Variants in BAG6 observed in about 807,000 individuals in gnomAD.
BAG6 encodes large proline-rich protein BAG6.
Under a neutral mutation model 121.0 loss-of-function variants are expected in BAG6, and 22 were observed. That is an observed-to-expected ratio of 0.18 (90% CI 0.13 to 0.26). BAG6 has a LOEUF of 0.26. Among genes scored for constraint, BAG6 ranks in the 10% least tolerant of loss-of-function variants. The pLI is 1.00. For synonymous variants in BAG6, 583 were observed against 584.6 expected (o/e 1.00, Z 0.04); for missense variants, 1,233 against 1,537.7 (o/e 0.80, Z 3.31).
intron 7 of BAG6, among the ~76,000 whole-genome samples, chr6:31,647,331 C>T (rs955946474): frequency 2.6e-5 from 4 of 152,184 alleles, no homozygotes; most frequent in African/African-American, 9.7e-5. Flanking sequence ...AGCAGGCCTT[C>T]GTGAACTCAG....
intron 5 of BAG6, 43 bp downstream of exon 5, chr6:31,648,868 T>C: frequency 2.6e-6 from 4 of 1,565,578 alleles, no homozygotes; most frequent in South Asian, 1.2e-5. Context: ...CCAGCCTCCT[T>C]CTCCCAGATC....
At chr6:31,643,832 C>T in intron 14 of BAG6, 58 bp downstream of exon 14, 2 of 1,549,478 alleles carry the variant, frequency 1.3e-6, no homozygotes, top group Non-Finnish European at 1.8e-6. Context: ...CTGGAAAGTG[C>T]CAGTGAGCAG....
chr6:31,646,946 T>C (rs948575885), intron 7 of BAG6, among the ~76,000 whole-genome samples: 2 of 152,000 alleles, frequency 1.3e-5, no homozygotes, highest in African/African-American at 4.8e-5. Flanking sequence ...GCTAATTTTT[T>C]GTATTTTTAG....
intron 7 of BAG6, among the ~76,000 whole-genome samples, chr6:31,646,766 GTTTTTTTTT>G (rs66820473): frequency 1.6e-5 from 1 of 60,638 alleles, no homozygotes; most frequent in Non-Finnish European, 2.9e-5. Context: ...GCTAATTTTT[GTTTTTTTTT>G]TTTTTTTTTT....
At position 31,644,768 on chromosome 6, in the gene BAG6, C is replaced by T; in HGVS notation, c.1370-166G>A. On this transcript the variant is annotated intron_variant, in intron 10 of 25. Transcript: ENST00000676615. The surrounding 1 kb of genome is among the most constrained non-coding windows in gnomAD (Gnocchi z 4.9). ...TACTCCCTTCACCACACAAACACAC[C>T]TCCAAAGACAAACCAACCCCCACAC... The T allele has an allele frequency of 1.6e-6, 2 of 1,271,776 alleles. No individual in the cohort carries two copies. The highest frequency in any genetic ancestry group is 2.2e-6 in the Non-Finnish European group (2 of 893,200). 78.8% of individuals were successfully genotyped at this position (1,271,776 alleles called of 1,614,324 possible).
At chr6:31,642,629 A>C (rs1784066303) in intron 15 of BAG6, 200 bp downstream of exon 15, 2 of 713,732 alleles carry the variant, frequency 2.8e-6, no homozygotes, top group South Asian at 1.9e-5. Context: ...AGTGACACTA[A>C]TTACTATACT....
At position 31,640,949 on chromosome 6, in the gene BAG6, G is replaced by C. The variant is rs1198745731; in HGVS notation, c.2788-11C>G. On this transcript the variant is annotated splice_polypyrimidine_tract_variant and intron_variant, in intron 20 of 25. Coordinates refer to ENST00000676615, the MANE Select transcript of BAG6 (RefSeq NM_001387994.1). The surrounding 1 kb of genome is among the most constrained non-coding windows in gnomAD (Gnocchi z 4.2). Reference sequence around the variant, plus strand: ...ACGAGACATACGACGCTGAGGGACAGAAAGCAGATTTAGAACACAAAACCC... The same window carrying C: ...ACGAGACATACGACGCTGAGGGACACAAAGCAGATTTAGAACACAAAACCC... 6.2e-7 allele frequency: 1 copy of C among 1,610,918 alleles called. No individual in the cohort carries two copies. The highest frequency in any genetic ancestry group is 8.5e-7 in the Non-Finnish European group (1 of 1,178,740).
chr6:31,639,500 C>T lies in BAG6; in HGVS notation c.3393G>A (p.Gln1131=). The change falls in exon 25 of 26, where the codon CAG becomes CAA. Residue 1131 remains glutamine (Q), a splice_region_variant and synonymous_variant. Coordinates refer to ENST00000676615, the MANE Select transcript of BAG6 (RefSeq NM_001387994.1). ...APEVQESYRQ[Q]LRSDIQKRLQ... Reference sequence around the variant, plus strand: ...TCCCTATTCTGCTTCAAGGTGGCACCTGCTGCCTGTAGCTCTCCTGAACCT... The same window carrying T: ...TCCCTATTCTGCTTCAAGGTGGCACTTGCTGCCTGTAGCTCTCCTGAACCT... 1 of 1,612,904 alleles carries T rather than the reference C, an allele frequency of 6.2e-7. No homozygotes were observed. Among genetic ancestry groups the T allele is most frequent in the Non-Finnish European group, 8.5e-7 (1 of 1,179,142 alleles).
chr6:31,639,612 G>A lies in BAG6; in HGVS notation c.3281C>T (p.Ser1094Leu). ...CTTAGCTGCCCGGCTCACAGCCTCTGAGAGAAGCAGCTGGGGGCCCTCACC... is the reference window on the plus strand; with the variant it reads ...CTTAGCTGCCCGGCTCACAGCCTCTAAGAGAAGCAGCTGGGGGCCCTCACC... ...MQGEGPQLLL[S>L]EAVSRAAKAA... The change falls in exon 25 of 26, where the codon TCA (serine) becomes TTA (leucine). Residue 1094 changes from serine (S) to leucine (L), a missense_variant. Around this residue, in one of 7 missense-constraint regions of BAG6, gnomAD observed 102 missense variants for 103.2 expected, o/e 0.99. Coordinates refer to ENST00000676615, the MANE Select transcript of BAG6 (RefSeq NM_001387994.1). The A allele has an allele frequency of 6.2e-7, 1 of 1,613,610 alleles. No individual in the cohort carries two copies.
rs532488148 is a variant in BAG6, at chr6:31,639,545, G to C, written c.3348C>G (p.Ser1116Arg). 1.1e-5 allele frequency: 18 copies of C among 1,614,180 alleles called. 1 individual carries two copies. The highest frequency in any genetic ancestry group is 4.5e-5 in the East Asian group (2 of 44,886). The change falls in exon 25 of 26, where the codon AGC becomes AGG. Residue 1116 changes from serine to arginine, a missense_variant. By Grantham distance (110) the Ser-to-Arg change is moderately radical. Coordinates refer to ENST00000676615, the MANE Select transcript of BAG6 (RefSeq NM_001387994.1). ...GAACCTCTGGTGCCTCCAGGTCCCG[G>C]CTCAGGCTCTCGGGGCTCGTCAGGG... ...ARPLTSPESL[S>R]RDLEAPEVQE... is the part of the protein sequence containing the mutation.
At position 31,639,200 on chromosome 6, in the gene BAG6, C is replaced by A; in HGVS notation, c.3420G>T (p.Leu1140=). ...GGGGACTGTAGTTGGGGTCTTCCTG[C>A]AGTCGTTTTTGTATATCAGACCGGA... ...QQLRSDIQKR[L]QEDPNYSPQR... is the part of the protein sequence containing the mutation. Residue 1140 remains leucine, a synonymous_variant, in exon 26 of 26, where the codon CTG becomes CTT. Transcript: ENST00000676615. 2 of 1,613,842 alleles carry A rather than the reference C, an allele frequency of 1.2e-6. No individual in the cohort carries two copies.
At position 31,644,156 on chromosome 6, in the gene BAG6, C is replaced by T. The variant is rs1424873397; in HGVS notation, c.1594G>A (p.Val532Met). The T allele has an allele frequency of 6.2e-7, 1 of 1,614,024 alleles. No individual in the cohort carries two copies. Among genetic ancestry groups the T allele is most frequent in the Admixed American group, 1.7e-5 (1 of 60,028 alleles). Residue 532 changes from valine (V) to methionine (M), a missense_variant, in exon 13 of 26, where the codon GTG (valine) becomes ATG (methionine). Around this residue, in one of 7 missense-constraint regions of BAG6, gnomAD observed 777 missense variants for 861.4 expected, o/e 0.90. Transcript: ENST00000676615. This position sits in a 1 kb window ranked among gnomAD's most constrained non-coding sequence, Gnocchi z 4.9. ...GGAGGAGTGGGCCGGGCAATCACCACCCGGGTTGGAGCTGTTGGGAAGCCT... is the reference window on the plus strand; with the variant it reads ...GGAGGAGTGGGCCGGGCAATCACCATCCGGGTTGGAGCTGTTGGGAAGCCT... ...VPGFPTAPTRVVIARPTPPQA... is the reference protein window; with the variant it reads ...VPGFPTAPTRMVIARPTPPQA...
At chr6:31,639,324 C>CT (rs1031896681) in intron 25 of BAG6, 98 bp from the exon 26 acceptor site, 10 of 1,453,828 alleles carry the variant, frequency 6.9e-6, no homozygotes, top group Middle Eastern at 2.1e-4. Context: ...ACATTTCCCC[C>CT]CCCAAGCACA....
rs540560796 is a variant in BAG6 at position 31,649,640 on chromosome 6, G to A, written c.109-13C>T. 3 of 1,602,186 alleles carry A rather than the reference G, an allele frequency of 1.9e-6. No individual in the cohort carries two copies. Among genetic ancestry groups the A allele is most frequent in the East Asian group, 2.2e-5 (1 of 44,822 alleles). ...CTTTTACATTCATCTGAAAAGAAGA[G>A]GCATGCACAGGAATGGAAAGAATGG... is the stretch of plus-strand genomic sequence containing the variant. On this transcript the variant is annotated splice_polypyrimidine_tract_variant and intron_variant, in intron 2 of 25. Coordinates refer to ENST00000676615, the MANE Select transcript of BAG6 (RefSeq NM_001387994.1).
intron 7 of BAG6, among the ~76,000 whole-genome samples, chr6:31,646,765 T>TG (rs1491088715): frequency 5.5e-5 from 7 of 127,266 alleles, no homozygotes; most frequent in Admixed American, 2.7e-4. Flanking sequence ...GGCTAATTTT[T>TG]GTTTTTTTTT....
rs757159963 is a variant in BAG6, at chr6:31,646,504, A to G, written c.808T>C (p.Tyr270His). The G allele has an allele frequency of 6.2e-7, 1 of 1,612,496 alleles. No individual in the cohort carries two copies. The highest frequency in any genetic ancestry group is 8.5e-7 in the Non-Finnish European group (1 of 1,179,914). Residue 270 changes from tyrosine to histidine, a missense_variant, in exon 8 of 26, where the codon TAT becomes CAT. Tyr to His is a moderately conservative substitution (Grantham distance 83). Around this residue, in one of 7 missense-constraint regions of BAG6, gnomAD observed 777 missense variants for 861.4 expected, o/e 0.90. Coordinates refer to ENST00000676615, the MANE Select transcript of BAG6 (RefSeq NM_001387994.1). ...TGTAGCTCCTGGAGCACCTCGACATACTCCGCAGGGGAAGGATGGCTGTGG... is the reference window on the plus strand; with the variant it reads ...TGTAGCTCCTGGAGCACCTCGACATGCTCCGCAGGGGAAGGATGGCTGTGG... ...NAPNHPSPAE[Y>H]VEVLQELQRL...
At position 31,644,446 on chromosome 6, in the gene BAG6, T is replaced by C; in HGVS notation, c.1448-32A>G. 1 of 1,553,948 alleles carries C rather than the reference T, an allele frequency of 6.4e-7. No homozygotes were observed. Among genetic ancestry groups the C allele is most frequent in the Non-Finnish European group, 8.7e-7 (1 of 1,147,622 alleles). ...GGCGGGTCTGATGTAACCTTGAACC[T>C]GGACCCCTTCAACCCACCCACTCAG... is the stretch of plus-strand genomic sequence containing the variant. On this transcript the variant is annotated intron_variant, in intron 11 of 25. Coordinates refer to ENST00000676615, the MANE Select transcript of BAG6 (RefSeq NM_001387994.1). The surrounding 1 kb of genome is among the most constrained non-coding windows in gnomAD (Gnocchi z 4.9).
chr6:31,640,621 T>G lies in BAG6; in HGVS notation c.2994+24A>C, dbSNP rs1238814207. The G allele has an allele frequency of 6.2e-7, 1 of 1,612,838 alleles. No homozygotes were observed. The highest frequency in any genetic ancestry group is 1.1e-5 in the South Asian group (1 of 91,082). On this transcript the variant is annotated intron_variant, in intron 22 of 25. Transcript: ENST00000676615. The surrounding 1 kb of genome is among the most constrained non-coding windows in gnomAD (Gnocchi z 4.2). ...CCTCCACTCCACATTATCTGGCCCC[T>G]CAACCTCCCCCTCTCTAGAGTACCT... is the stretch of plus-strand genomic sequence containing the variant.
chr6:31,647,854 A>G, intron 6 of BAG6, 28 bp from the exon 7 acceptor site: 1 of 1,516,722 alleles, frequency 6.6e-7, no homozygotes, highest in Non-Finnish European at 8.8e-7. Context: ...TCAGGATACC[A>G]AAGGCAGGGT....
Sources: allele counts gnomAD v4.1 joint callset (sites outside exome capture counted in the v4.1 genomes callset), GRCh38; gene constraint gnomAD v4.1.1; regional missense constraint gnomAD v4.1.1; non-coding constraint Gnocchi (gnomAD v3.1); transcripts MANE v1.5; gene names NCBI Gene and HGNC (gene_info 2026-07-23, HGNC 2026-07-21).